The following C8A variants were observed in gnomAD, a reference collection of about 807,000 sequenced individuals.
The protein encoded by C8A is complement C8 alpha chain, also known as complement component C8 alpha chain.
Under a neutral mutation model 65.3 loss-of-function variants are expected in C8A, and 67 were observed. The ratio of observed to expected loss-of-function variants is 1.03; its 90% CI spans 0.84 to 1.26. The LOEUF is 1.26. C8A is among the 50% of genes most tolerant of loss of function. The pLI is 0.00. For missense variants in C8A, 781 were observed against 723.9 expected, an observed-to-expected ratio of 1.08 and a Z score of -0.90; for synonymous variants, 290 against 259.4, an observed-to-expected ratio of 1.12 and a Z score of -1.13.
chr1:56,884,864 C>T (rs1297394863), intron 6 of C8A, among the ~76,000 whole-genome samples: 1 of 152,110 alleles, frequency 6.6e-6, no homozygotes, highest in East Asian at 1.9e-4. Context: ...AGATTATGTC[C>T]TCTGCACCTA....
chr1:56,881,032 C>A (rs966691089), intron 4 of C8A, among the ~76,000 whole-genome samples: 1 of 152,160 alleles, frequency 6.6e-6, no homozygotes, highest in Non-Finnish European at 1.5e-5. Flanking sequence ...GAATATGATT[C>A]TAGATGCTAA....
At chr1:56,898,067 A>C (rs1644399564) in intron 7 of C8A, among the ~76,000 whole-genome samples, 1 of 152,188 alleles carries the variant, frequency 6.6e-6, no homozygotes, top group African/African-American at 2.4e-5. Flanking sequence ...GTAGAAGTTT[A>C]CCTGGAAGAG....
chr1:56,861,604 C>T (rs1644034073), intron 1 of C8A, among the ~76,000 whole-genome samples: 1 of 152,164 alleles, frequency 6.6e-6, no homozygotes, highest in African/African-American at 2.4e-5. Context: ...TTATTACACT[C>T]ATGCAATCAA....
At chr1:56,894,894 A>G (rs1644376497) in intron 7 of C8A, among the ~76,000 whole-genome samples, 1 of 152,140 alleles carries the variant, frequency 6.6e-6, no homozygotes, top group Non-Finnish European at 1.5e-5. Context: ...CAAATTGGTT[A>G]CCACCCAAAG....
At chr1:56,912,676 G>C in intron 10 of C8A, 51 bp downstream of exon 10, 2 of 1,565,432 alleles carry the variant, frequency 1.3e-6, no homozygotes, top group Non-Finnish European at 1.8e-6. Flanking sequence ...GCTCAAAGGG[G>C]CCAGTGCAAA....
chr1:56,917,342 G>A (rs1644560633), intron 10 of C8A, among the ~76,000 whole-genome samples: 1 of 152,202 alleles, frequency 6.6e-6, no homozygotes, highest in South Asian at 2.1e-4. Flanking sequence ...GACTGCCATG[G>A]TCTCTGCAGT....
Position 56,867,661 on chromosome 1 carries a change from TG to T in C8A, c.132del (p.Trp44CysfsTer48), listed in dbSNP as rs771410055. 1 of 1,613,966 alleles carries T rather than the reference TG, an allele frequency of 6.2e-7. No individual in the cohort carries two copies. The highest frequency in any genetic ancestry group is 1.7e-5 in the Admixed American group (1 of 59,966). On this transcript the variant is annotated frameshift_variant, in exon 2 of 11. Coordinates refer to ENST00000361249, the MANE Select transcript of C8A (RefSeq NM_000562.3). LOFTEE classifies it high-confidence loss of function. ...PAAVTCQLSN[W>X]SEWTDCFPCQ... is the part of the protein sequence containing the mutation. ...AGCAGTTACCTGCCAGCTGAGCAACTGGTCAGAGTGGACAGATTGCTTTCCG... is the reference window on the plus strand; with the variant it reads ...AGCAGTTACCTGCCAGCTGAGCAACTGTCAGAGTGGACAGATTGCTTTCCG...
chr1:56,885,043 G>C (rs951637376), intron 6 of C8A, among the ~76,000 whole-genome samples: 6 of 145,004 alleles, frequency 4.1e-5, no homozygotes, highest in African/African-American at 1.5e-4. Context: ...GGAGAAGTGT[G>C]GGGGTGGGAA....
chr1:56,883,491 A>C lies in C8A; in HGVS notation c.665A>C (p.Asp222Ala). The C allele has an allele frequency of 6.2e-7, 1 of 1,613,512 alleles. No homozygotes were observed. Residue 222 changes from aspartate (D) to alanine (A), a missense_variant, in exon 6 of 11, where the codon GAT becomes GCT. Physicochemically the swap from Asp to Ala is moderately radical, Grantham distance 126 (BLOSUM62 -2). Transcript: ENST00000361249. ...CCTTTTTTTTTTCAGGCCCTGGCAG[A>C]TACTGGAATCTCCTCAGAGTTTTAT... ...FLKYHFEALADTGISSEFYDN... is the reference protein window; with the variant it reads ...FLKYHFEALAATGISSEFYDN...
chr1:56,884,134 G>A (rs1644271100), intron 6 of C8A, among the ~76,000 whole-genome samples: 1 of 152,006 alleles, frequency 6.6e-6, no homozygotes, highest in Non-Finnish European at 1.5e-5. Flanking sequence ...ATTATCCTGG[G>A]GGGTCAATAT....
chr1:56,859,527 T>C (rs942393169), intron 1 of C8A, among the ~76,000 whole-genome samples: 3 of 152,328 alleles, frequency 2.0e-5, no homozygotes, highest in Admixed American at 6.5e-5. Flanking sequence ...GTGGAGGAAA[T>C]AGCATTATGC....
At position 56,917,633 on chromosome 1, in the gene C8A, AG is replaced by A; in HGVS notation, c.1674del (p.Arg559GlufsTer54). 6.2e-7 allele frequency: 1 copy of A among 1,614,204 alleles called. No individual in the cohort carries two copies. The highest frequency in any genetic ancestry group is 1.7e-5 in the Admixed American group (1 of 60,030). ...TGTATGCAGAGCAGGCATCCAGGAA[AG>A]GAGAAGAGAGTGTGACAATCCAGCA... is the stretch of plus-strand genomic sequence containing the variant. ...WSVCRAGIQE[R>X]RRECDNPAPQ... On this transcript the variant is annotated frameshift_variant, in exon 11 of 11. Coordinates refer to ENST00000361249, the MANE Select transcript of C8A (RefSeq NM_000562.3). LOFTEE classifies it high-confidence loss of function.
chr1:56,906,582 G>A, intron 7 of C8A, 85 bp from the exon 8 acceptor site: 3 of 1,547,080 alleles, frequency 1.9e-6, no homozygotes, highest in South Asian at 2.2e-5. Context: ...GCTGAAGCTA[G>A]CTTTTACTAC....
At chr1:56,886,676 A>G (rs1422852729) in intron 7 of C8A, among the ~76,000 whole-genome samples, 1 of 151,932 alleles carries the variant, frequency 6.6e-6, no homozygotes, top group East Asian at 1.9e-4. Flanking sequence ...TTCCCTTGTT[A>G]CTGCATCAGC....
chr1:56,884,350 CAG>C lies in C8A; in HGVS notation c.855+674_855+675del, dbSNP rs532683193. Among the ~76,000 whole-genome samples, 319 of 152,194 alleles carry C rather than the reference CAG, an allele frequency of 2.1e-3. 2 individuals are homozygous for C. Among genetic ancestry groups the C allele is most frequent in the African/African-American group, 7.4e-3 (307 of 41,550 alleles). On this transcript the variant is annotated intron_variant, in intron 6 of 10. Coordinates refer to ENST00000361249, the MANE Select transcript of C8A (RefSeq NM_000562.3). ...TGAAGCACAGGGTGGGAAAGGAAAA[CAG>C]AGAGTGATGAGGTTGGAGATGTAAT...
In C8A at chr1:56,875,057, G is replaced by A; in HGVS notation, c.280G>A (p.Ala94Thr). 1 of 1,613,694 alleles carries A rather than the reference G, an allele frequency of 6.2e-7. No individual in the cohort carries two copies. Among genetic ancestry groups the A allele is most frequent in the Non-Finnish European group, 8.5e-7 (1 of 1,179,756 alleles). ...CSSSTTCVRQAQCGQDFQCKE... is the reference protein window; with the variant it reads ...CSSSTTCVRQTQCGQDFQCKE... The stretch of plus-strand genomic sequence containing the variant: ...CAGTTCTACAACTTGTGTAAGGCAA[G>A]CACAGTGTGGACAGGATTTCCAGTG... Residue 94 changes from alanine (A) to threonine (T), a missense_variant, in exon 3 of 11, where the codon GCA becomes ACA. By Grantham distance (58) the Ala-to-Thr change is moderately conservative. Transcript: ENST00000361249.
At chr1:56,889,971 G>C (rs1644331807) in intron 7 of C8A, among the ~76,000 whole-genome samples, 1 of 152,008 alleles carries the variant, frequency 6.6e-6, no homozygotes, top group Non-Finnish European at 1.5e-5. Context: ...GTACGGTTTG[G>C]GGCTTAAATT....
rs1317703143 is a variant in C8A at position 56,917,562 on chromosome 1, C to A, written c.1604-3C>A. On this transcript the variant is annotated splice_polypyrimidine_tract_variant and splice_region_variant and intron_variant, in intron 10 of 10. Transcript: ENST00000361249. ...TCTCCTCCCTGGGAAATTTCCTCTG[C>A]AGGAGCCAAAGCAGATGGGAGCTGG... is the stretch of plus-strand genomic sequence containing the variant. 1.2e-6 allele frequency: 2 copies of A among 1,614,024 alleles called. No individual in the cohort carries two copies. The highest frequency in any genetic ancestry group is 1.7e-6 in the Non-Finnish European group (2 of 1,180,020).
In C8A at chr1:56,917,812, T is replaced by C; in HGVS notation, c.*96T>C. 2 of 1,470,108 alleles carry C rather than the reference T, an allele frequency of 1.4e-6. No individual in the cohort carries two copies. Among genetic ancestry groups the C allele is most frequent in the African/African-American group, 2.8e-5 (2 of 72,026 alleles). 91.1% of individuals were successfully genotyped at this position (1,470,108 alleles called of 1,614,324 possible). A position where few individuals can be genotyped will look rare whatever the true frequency, so the allele number is the denominator to read the frequency against. ...TCTTTCAACTAAGAGAAGATGCAAA[T>C]CAGCACACTTTTTTCTTTGTTCTGC... On this transcript the variant is annotated 3_prime_UTR_variant, in exon 11 of 11. Transcript: ENST00000361249.
Sources: gnomAD v4.1 joint callset for allele counts (sites outside exome capture counted in the v4.1 genomes callset) on GRCh38, gnomAD v4.1.1 for gene constraint, MANE v1.5 for transcripts, NCBI Gene and HGNC (gene_info 2026-07-23, HGNC 2026-07-21) for gene names.